The following SLC12A8 variants were observed in gnomAD, a reference collection of about 807,000 sequenced individuals.
The protein encoded by SLC12A8 is solute carrier family 12 member 8.
A neutral mutation model predicts 75.6 loss-of-function variants in SLC12A8; 69 were observed. The observed-to-expected ratio is 0.91, with a 90% CI of 0.75 to 1.11. The LOEUF is 1.11. SLC12A8 is among the 50% of genes most tolerant of loss of function. The pLI is 0.00. For missense variants in SLC12A8, 877 were observed against 896.7 expected (o/e 0.98, Z 0.28); for synonymous variants, 365 against 372.8 (o/e 0.98, Z 0.24).
chr3:125,105,245 T>A (rs530996871), intron 10 of SLC12A8, among the ~76,000 whole-genome samples: 35 of 151,984 alleles, frequency 2.3e-4, no homozygotes, highest in African/African-American at 7.2e-4. Flanking sequence ...GGTGGGGAAT[T>A]ATCAAAGAAA....
At chr3:125,194,445 T>TGGG (rs1934967339) in intron 2 of SLC12A8, among the ~76,000 whole-genome samples, 1 of 120,034 alleles carries the variant, frequency 8.3e-6, no homozygotes, top group Admixed American at 8.4e-5. Context: ...GGCAGATTGG[T>TGGG]GGGGGTAGGG....
chr3:125,141,753 C>G (rs886590060), intron 5 of SLC12A8, among the ~76,000 whole-genome samples: 8 of 152,238 alleles, frequency 5.3e-5, no homozygotes, highest in Admixed American at 3.3e-4. Context: ...GGGTCCCCCA[C>G]CCCTGGACCA....
intron 9 of SLC12A8, among the ~76,000 whole-genome samples, chr3:125,109,982 AT>A (rs1280089339): frequency 6.6e-6 from 1 of 152,152 alleles, no homozygotes; most frequent in Non-Finnish European, 1.5e-5. Context: ...TGGCTGGGAC[AT>A]TTAAGATGCT....
intron 8 of SLC12A8, among the ~76,000 whole-genome samples, chr3:125,111,547 T>C (rs896729369): frequency 2.0e-5 from 3 of 152,228 alleles, no homozygotes; most frequent in Non-Finnish European, 2.9e-5. Flanking sequence ...GAACTGTACA[T>C]TCCAAGTACT....
chr3:125,150,880 A>C (rs1263376799), intron 5 of SLC12A8, among the ~76,000 whole-genome samples: 1 of 152,234 alleles, frequency 6.6e-6, no homozygotes, highest in Non-Finnish European at 1.5e-5. Context: ...AGTAGTTCCC[A>C]GAGCTGACTT....
intron 13 of SLC12A8, among the ~76,000 whole-genome samples, chr3:125,086,125 A>T (rs958167434): frequency 6.6e-6 from 1 of 151,196 alleles, no homozygotes; most frequent in Non-Finnish European, 1.5e-5. Flanking sequence ...CAGGTGATCT[A>T]CCCGCCTCAG....
chr3:125,173,902 C>A (rs1284564200), intron 5 of SLC12A8, among the ~76,000 whole-genome samples: 1 of 152,118 alleles, frequency 6.6e-6, no homozygotes, highest in Non-Finnish European at 1.5e-5. Context: ...AACAGCCTGG[C>A]CAACATGGTG....
At chr3:125,117,791 T>G (rs1371663848) in intron 8 of SLC12A8, among the ~76,000 whole-genome samples, 1 of 152,190 alleles carries the variant, frequency 6.6e-6, no homozygotes. Flanking sequence ...TCTGGAAATC[T>G]TATTCATGTG....
intron 5 of SLC12A8, among the ~76,000 whole-genome samples, chr3:125,137,986 C>T (rs1309174725): frequency 6.6e-6 from 1 of 152,240 alleles, no homozygotes; most frequent in Non-Finnish European, 1.5e-5. Context: ...CTACTGCTGG[C>T]CCAGCCTGCT....
chr3:125,127,535 A>G (rs1933238760), intron 6 of SLC12A8, among the ~76,000 whole-genome samples: 2 of 152,250 alleles, frequency 1.3e-5, no homozygotes, highest in Admixed American at 1.3e-4. Flanking sequence ...TCTAGGTTCC[A>G]TGCGGCCTGA....
At chr3:125,191,637 G>C (rs1159350883) in intron 2 of SLC12A8, among the ~76,000 whole-genome samples, 1 of 152,220 alleles carries the variant, frequency 6.6e-6, no homozygotes, top group Non-Finnish European at 1.5e-5. Flanking sequence ...AGTCCACGGG[G>C]CATGGCTCCT....
intron 6 of SLC12A8, among the ~76,000 whole-genome samples, chr3:125,128,479 CT>C (rs34392392): frequency 0.32 from 35,473 of 109,632 alleles, 6,221 homozygotes; most frequent in African/African-American, 0.54. Context: ...CGCGCCCGGC[CT>C]TTTTTTTTTT....
intron 9 of SLC12A8, among the ~76,000 whole-genome samples, chr3:125,109,758 C>A (rs897583692): frequency 2.6e-5 from 4 of 152,202 alleles, no homozygotes; most frequent in Non-Finnish European, 5.9e-5. Context: ...CAAACAGCAA[C>A]CCCCAAGGGG....
At chr3:125,159,230 C>T (rs905039417) in intron 5 of SLC12A8, among the ~76,000 whole-genome samples, 6 of 152,128 alleles carry the variant, frequency 3.9e-5, no homozygotes, top group African/African-American at 9.7e-5. Context: ...TACCTAATTT[C>T]GTTCCCTCCC....
intron 2 of SLC12A8, among the ~76,000 whole-genome samples, chr3:125,199,910 C>T (rs6801331): frequency 0.93 from 141,881 of 152,230 alleles, 66,351 homozygotes; most frequent in Non-Finnish European, 0.98. Context: ...TGTGTGCCAA[C>T]GTCCTATTTT....
intron 10 of SLC12A8, among the ~76,000 whole-genome samples, chr3:125,102,341 C>G (rs1318131631): frequency 6.6e-6 from 1 of 152,096 alleles, no homozygotes; most frequent in Non-Finnish European, 1.5e-5. Context: ...GCGGAACGTA[C>G]AGTGCATGGG....
rs1934291290 is a variant in SLC12A8, at chr3:125,166,421, G to A, written c.622+11322C>T. ...TGCCTCCTTTCTTCATCCCTATCCT[G>A]GGCCAGTTTCCGTATTGGGACAAGA... On this transcript the variant is annotated intron_variant, in intron 5 of 13. Transcript: ENST00000469902. Among the ~76,000 whole-genome samples, 9 of 152,076 alleles carry A rather than the reference G, an allele frequency of 5.9e-5. No homozygotes were observed. In the South Asian group the frequency reaches 1.9e-3, roughly 32 times the overall value.
chr3:125,124,477 C>T (rs1291778792), intron 6 of SLC12A8, among the ~76,000 whole-genome samples: 1 of 152,194 alleles, frequency 6.6e-6, no homozygotes, highest in Non-Finnish European at 1.5e-5. Flanking sequence ...TAGGCACCTT[C>T]CACCATGTCT....
At chr3:125,139,813 C>T (rs1027596504) in intron 5 of SLC12A8, among the ~76,000 whole-genome samples, 4 of 152,200 alleles carry the variant, frequency 2.6e-5, no homozygotes, top group Admixed American at 2.6e-4. Flanking sequence ...TGCTGATGCC[C>T]AGAACAAAGG....
Sources: allele counts gnomAD v4.1 joint callset (sites outside exome capture counted in the v4.1 genomes callset), GRCh38; gene constraint gnomAD v4.1.1; transcripts MANE v1.5; gene names NCBI Gene and HGNC (gene_info 2026-07-23, HGNC 2026-07-21).